Variants in FBXO16 observed in about 807,000 individuals in gnomAD.
FBXO16 encodes F-box only protein 16.
A neutral mutation model predicts 41.0 loss-of-function variants in FBXO16; 31 were observed. The observed-to-expected ratio is 0.76, with a 90% confidence interval of 0.57 to 1.02. The LOEUF (loss-of-function observed/expected upper bound fraction) is 1.02, where lower values mean the gene tolerates loss of function less well. FBXO16 is among the 50% of genes least tolerant of loss of function. The pLI, the probability that FBXO16 is intolerant of heterozygous loss-of-function variation, is 0.00. For missense variants in FBXO16, 361 were observed against 346.2 expected (o/e 1.04, Z -0.34); for synonymous variants, 133 against 117.8 (o/e 1.13, Z -0.84).
At position 28,478,944 on chromosome 8, in the gene FBXO16, G is replaced by A. The variant is rs374571171; in HGVS notation, c.99+4404C>T. The stretch of plus-strand genomic sequence containing the variant: ...CCATCCTCCTAGTGCTGTCATCAGC[G>A]GGAGTGAGTTCTCATGAGATCTGCT... On this transcript the variant is annotated intron_variant, in intron 2 of 8. Coordinates refer to ENST00000380254, the MANE Select transcript of FBXO16 (RefSeq NM_172366.4). Among the ~76,000 whole-genome samples, 7 of 152,214 alleles carry A rather than the reference G, an allele frequency of 4.6e-5. No individual in the cohort carries two copies. The East Asian group carries it at 1.2e-3, about 25-fold the overall frequency.
At chr8:28,482,805 C>G (rs1009482363) in intron 2 of FBXO16, among the ~76,000 whole-genome samples, 1 of 152,026 alleles carries the variant, frequency 6.6e-6, no homozygotes, top group African/African-American at 2.4e-5. Context: ...TCTCGAACCC[C>G]TGACCTCAGA....
chr8:28,463,261 CGTGT>C (rs1803170330), intron 4 of FBXO16, among the ~76,000 whole-genome samples: 1 of 142,480 alleles, frequency 7.0e-6, no homozygotes. Context: ...TGTGTTTGTG[CGTGT>C]ATTTGTGTGT....
At chr8:28,461,409 C>A (rs775760028) in intron 4 of FBXO16, among the ~76,000 whole-genome samples, 25 of 152,226 alleles carry the variant, frequency 1.6e-4, no homozygotes, top group Admixed American at 7.8e-4. Context: ...AGAATATTAT[C>A]ATTTAAAACA....
chr8:28,439,017 T>C (rs1363497517), intron 7 of FBXO16, among the ~76,000 whole-genome samples: 1 of 151,160 alleles, frequency 6.6e-6, no homozygotes, highest in Non-Finnish European at 1.5e-5. Flanking sequence ...GGAGAATCGT[T>C]TGAACCCAGG....
intron 1 of FBXO16, among the ~76,000 whole-genome samples, chr8:28,488,365 C>T (rs771577901): frequency 7.4e-6 from 1 of 135,474 alleles, no homozygotes; most frequent in Non-Finnish European, 1.5e-5. Flanking sequence ...GGTGTGATCA[C>T]AGCTCACCAT....
chr8:28,454,725 C>G (rs1803010556), intron 5 of FBXO16, among the ~76,000 whole-genome samples: 1 of 100,900 alleles, frequency 9.9e-6, no homozygotes, highest in Admixed American at 1.1e-4. Flanking sequence ...AAGACTCCGT[C>G]TTAAAAAAAA....
chr8:28,432,495 AAACAACAAC>A (rs1290239038), intron 7 of FBXO16, among the ~76,000 whole-genome samples: 1 of 151,544 alleles, frequency 6.6e-6, no homozygotes, highest in East Asian at 1.9e-4. Context: ...AAACAAAACA[AAACAACAAC>A]AACAACAAAA....
In FBXO16 at chr8:28,468,637, C is replaced by T. The variant is rs117417237; in HGVS notation, c.136-4819G>A. 8.4e-4 allele frequency among the ~76,000 whole-genome samples: 128 copies of T among 151,906 alleles called. 1 individual carries two copies. The East Asian group carries it at 0.023, about 28-fold the overall frequency. On this transcript the variant is annotated intron_variant, in intron 3 of 8. Coordinates refer to ENST00000380254, the MANE Select transcript of FBXO16 (RefSeq NM_172366.4). ...TTGCTTGAGCCCAGGAGTTCAAGAC[C>T]AAAACCAGCTGGGCAACATTGCGAG...
intron 7 of FBXO16, among the ~76,000 whole-genome samples, chr8:28,434,830 G>A (rs981031350): frequency 6.6e-6 from 1 of 152,242 alleles, no homozygotes. Flanking sequence ...CTCAAACACA[G>A]GAGCAAGCTC....
intron 3 of FBXO16, chr8:28,465,466 T>A (rs1803220969): frequency 2.2e-6 from 1 of 448,894 alleles, no homozygotes. Context: ...AAATAAAAAG[T>A]TAGCTGGGTA....
At chr8:28,463,884 G>C (rs1027543598) in intron 3 of FBXO16, 66 bp from the exon 4 acceptor site, 1 of 1,432,494 alleles carries the variant, frequency 7.0e-7, no homozygotes, top group Non-Finnish European at 9.7e-7. Context: ...GATTCATTAC[G>C]AGTAAGACAT....
chr8:28,468,884 A>G (rs1447406213), intron 3 of FBXO16, among the ~76,000 whole-genome samples: 2 of 151,982 alleles, frequency 1.3e-5, no homozygotes, highest in African/African-American at 2.4e-5. Flanking sequence ...GCACACATAG[A>G]ATCAATAGAA....
intron 6 of FBXO16, among the ~76,000 whole-genome samples, chr8:28,447,885 T>C (rs1238821687): frequency 6.6e-6 from 1 of 152,000 alleles, no homozygotes; most frequent in African/African-American, 2.4e-5. Flanking sequence ...ACCCAGGAAG[T>C]AGAGGTTGTA....
chr8:28,486,578 T>A (rs11991627), intron 1 of FBXO16, among the ~76,000 whole-genome samples: 37,544 of 151,850 alleles, frequency 0.25, 5,617 homozygotes, highest in Middle Eastern at 0.35. Context: ...TCCCAGCACT[T>A]GGGAGGCTGA....
chr8:28,483,314 G>A (rs749524525), intron 2 of FBXO16, 34 bp downstream of exon 2: 6 of 1,538,448 alleles, frequency 3.9e-6, no homozygotes, highest in African/African-American at 1.4e-5. Flanking sequence ...TTTCAGTCAT[G>A]GATTCAATTG....
At chr8:28,447,061 C>A (rs553948326) in intron 7 of FBXO16, 110 bp downstream of exon 7, 111 of 966,512 alleles carry the variant, frequency 1.1e-4, no homozygotes, top group Non-Finnish European at 1.5e-4. Flanking sequence ...ATTTAAATCA[C>A]CACTCCATGA....
chr8:28,435,183 T>C (rs1209620092), intron 7 of FBXO16, among the ~76,000 whole-genome samples: 1 of 151,554 alleles, frequency 6.6e-6, no homozygotes, highest in Non-Finnish European at 1.5e-5. Context: ...TTTTTTTTTT[T>C]TTTTGAGACG....
In FBXO16 at chr8:28,486,580, G is replaced by A. The variant is rs886249872; in HGVS notation, c.-16-3118C>T. Reference sequence around the variant, plus strand: ...TTGTTGCCTGTAATCCCAGCACTTGGGAGGCTGAAGCAGAAAGACTGCTTG... The same window carrying A: ...TTGTTGCCTGTAATCCCAGCACTTGAGAGGCTGAAGCAGAAAGACTGCTTG... On this transcript the variant is annotated intron_variant, in intron 1 of 8. Coordinates refer to ENST00000380254, the MANE Select transcript of FBXO16 (RefSeq NM_172366.4). Among the ~76,000 whole-genome samples, 10 of 152,006 alleles carry A rather than the reference G, an allele frequency of 6.6e-5. No homozygotes were observed. In the East Asian group the frequency reaches 1.9e-3, roughly 29 times the overall value.
chr8:28,457,999 T>C (rs144596445), intron 4 of FBXO16, among the ~76,000 whole-genome samples: 368 of 152,312 alleles, frequency 2.4e-3, no homozygotes, highest in Middle Eastern at 3.4e-3. Context: ...AGTTCACATA[T>C]AAAGCTGAAA....
Sources: gnomAD v4.1 joint callset for allele counts (sites outside exome capture counted in the v4.1 genomes callset) on GRCh38, gnomAD v4.1.1 for gene constraint, MANE v1.5 for transcripts, NCBI Gene and HGNC (gene_info 2026-07-23, HGNC 2026-07-21) for gene names.